Variants in CFAP92 observed in about 807,000 individuals in gnomAD.
CFAP92 encodes the protein uncharacterized protein CFAP92.
Under a neutral mutation model 106.3 loss-of-function variants are expected in CFAP92, and 86 were observed. The ratio of observed to expected loss-of-function variants is 0.81; its 90% CI spans 0.68 to 0.97. The LOEUF is 0.97. Ranked by LOEUF, CFAP92 falls within the 50% of genes least tolerant of loss-of-function variation. The probability of loss-of-function intolerance (pLI) is 0.00; values close to 1 mark genes in which losing one functional copy is unlikely to be tolerated. For missense variants in CFAP92, 1,204 were observed against 1,283.8 expected (o/e 0.94, Z 0.95); for synonymous variants, 477 against 506.4 (o/e 0.94, Z 0.78).
intron 1 of CFAP92, 41 bp downstream of exon 1, chr3:128,993,939 G>A: frequency 1.0e-5 from 10 of 987,432 alleles, no homozygotes; most frequent in Non-Finnish European, 1.2e-5. Flanking sequence ...CGGCCGAGGT[G>A]GGGGCAGGGG....
chr3:128,981,053 TC>T (rs1943498711), intron 4 of CFAP92, among the ~76,000 whole-genome samples: 1 of 151,718 alleles, frequency 6.6e-6, no homozygotes, highest in African/African-American at 2.4e-5. Context: ...TTTTTTTTTT[TC>T]GAGGCAGAGT....
At chr3:129,015,381 A>G in the CFAP92 span, among the ~76,000 whole-genome samples, 1 of 151,058 alleles carries the variant, frequency 6.6e-6, no homozygotes, top group African/African-American at 2.4e-5. Flanking sequence ...TCTGTCCTTC[A>G]TGTATTTTTG....
At chr3:129,003,975 T>TGCGCAGCCTGCACC, upstream of CFAP92, 1 of 1,474,556 alleles carries the variant, frequency 6.8e-7, no homozygotes, top group Non-Finnish European at 8.9e-7. Context: ...CAGGTGGTGC[T>TGCGCAGCCTGCACC]GCGCAGCCTG....
intron 9 of CFAP92, among the ~76,000 whole-genome samples, chr3:128,956,288 A>G (rs1941416253): frequency 1.3e-5 from 2 of 151,410 alleles, no homozygotes. Context: ...AAAAAGACAC[A>G]AAAATCAAAA....
At chr3:128,992,938 G>T (rs995614380) in intron 2 of CFAP92, 105 bp downstream of exon 2, 4 of 1,366,586 alleles carry the variant, frequency 2.9e-6, no homozygotes, top group Non-Finnish European at 4.1e-6. Flanking sequence ...GCTTTGGGGT[G>T]GGGCAGGTGG....
chr3:128,993,566 G>A, intron 1 of CFAP92: 1 of 528,310 alleles, frequency 1.9e-6, no homozygotes, highest in Non-Finnish European at 3.4e-6. Flanking sequence ...TAAGCACGAC[G>A]ACGAGCAACC....
chr3:128,927,243 C>T (rs564812655), intron 12 of CFAP92, among the ~76,000 whole-genome samples: 26 of 151,996 alleles, frequency 1.7e-4, no homozygotes, highest in Non-Finnish European at 3.5e-4. Context: ...TAATTTTGGA[C>T]GTTCCAGCCT....
chr3:128,946,009 G>C (rs1331567192), intron 9 of CFAP92, 34 bp from the exon 10 acceptor site: 4 of 1,389,974 alleles, frequency 2.9e-6, no homozygotes, highest in Admixed American at 6.3e-5. Flanking sequence ...AGGTCACCCA[G>C]CCACAAGGAC....
chr3:129,000,123 T>G (rs1944654838), intron 1 of CFAP92, among the ~76,000 whole-genome samples: 1 of 152,246 alleles, frequency 6.6e-6, no homozygotes, highest in Non-Finnish European at 1.5e-5. Context: ...TGTCTCCAGT[T>G]TCTCACTGTA....
At chr3:128,952,818 G>A (rs771111491) in intron 9 of CFAP92, among the ~76,000 whole-genome samples, 48 of 152,084 alleles carry the variant, frequency 3.2e-4, no homozygotes, top group Non-Finnish European at 2.6e-4. Flanking sequence ...GGGTGCGGTG[G>A]CTCACACCTG....
At chr3:128,937,649 T>C (rs1939186521) in intron 10 of CFAP92, among the ~76,000 whole-genome samples, 1 of 151,642 alleles carries the variant, frequency 6.6e-6, no homozygotes, top group South Asian at 2.1e-4. Context: ...TAAGATCAGA[T>C]CATTGTAGTC....
chr3:129,007,368 C>T (rs1945119086), upstream of CFAP92, among the ~76,000 whole-genome samples: 1 of 152,182 alleles, frequency 6.6e-6, no homozygotes, highest in Non-Finnish European at 1.5e-5. Flanking sequence ...GCCCCATGCC[C>T]CAAACAGTAG....
intron 1 of CFAP92, chr3:129,001,682 C>CCCG: frequency 6.8e-7 from 1 of 1,479,062 alleles, no homozygotes; most frequent in Admixed American, 2.2e-5. Context: ...CGGGAGGTGA[C>CCCG]CCGTACCGGC....
intron 15 of CFAP92, chr3:128,910,686 CAG>C: frequency 6.2e-7 from 1 of 1,601,086 alleles, no homozygotes; most frequent in Non-Finnish European, 8.6e-7. Context: ...TTTTGAAGCT[CAG>C]AGGTCTGATT....
At chr3:129,019,255 T>C in the CFAP92 span, among the ~76,000 whole-genome samples, 1 of 152,198 alleles carries the variant, frequency 6.6e-6, no homozygotes, top group African/African-American at 2.4e-5. Context: ...TTTGTTTTAA[T>C]TGTATCTTTT....
intron 9 of CFAP92, among the ~76,000 whole-genome samples, chr3:128,957,431 AGTTAT>A (rs552610602): frequency 2.6e-5 from 4 of 152,320 alleles, no homozygotes; most frequent in African/African-American, 9.6e-5. Context: ...GATTGCGAAA[AGTTAT>A]GTTATGCGTT....
At chr3:128,963,684 C>T (rs1219948890) in intron 9 of CFAP92, among the ~76,000 whole-genome samples, 2 of 150,016 alleles carry the variant, frequency 1.3e-5, no homozygotes, top group Non-Finnish European at 3.0e-5. Context: ...GGCAGTTCCA[C>T]CAGGCCTAAT....
At chr3:128,973,881 C>A (rs2107786087) in intron 7 of CFAP92, among the ~76,000 whole-genome samples, 1 of 152,276 alleles carries the variant, frequency 6.6e-6, no homozygotes, top group South Asian at 2.1e-4. Context: ...ACGGTCCACC[C>A]ATAACACATG....
At chr3:128,985,979 A>T (rs1318079298) in intron 4 of CFAP92, among the ~76,000 whole-genome samples, 1 of 152,158 alleles carries the variant, frequency 6.6e-6, no homozygotes, top group Admixed American at 6.6e-5. Flanking sequence ...TCCACAGAAC[A>T]GCCCCCACAG....
Sources: gnomAD v4.1 joint callset for allele counts (sites outside exome capture counted in the v4.1 genomes callset) on GRCh38, gnomAD v4.1.1 for gene constraint, MANE v1.5 for transcripts, NCBI Gene and HGNC (gene_info 2026-07-23, HGNC 2026-07-21) for gene names.